The following CCDC30 variants were observed in gnomAD, a reference collection of about 807,000 sequenced individuals.
CCDC30 encodes coiled-coil domain-containing protein 30.
CCDC30 carries 70 observed loss-of-function variants against 100.2 expected under a neutral mutation model. The observed-to-expected ratio is 0.70, with a 90% confidence interval of 0.58 to 0.85. The LOEUF (loss-of-function observed/expected upper bound fraction) is 0.85. Among genes scored for constraint, CCDC30 ranks in the 40% least tolerant of loss-of-function variants. The pLI is 0.00. For synonymous variants in CCDC30, 233 were observed against 269.5 expected, an observed-to-expected ratio of 0.86 and a Z score of 1.33; for missense variants, 652 against 771.2, an observed-to-expected ratio of 0.85 and a Z score of 1.83.
At chr1:42,543,337 C>T (rs1427126737) in intron 6 of CCDC30, among the ~76,000 whole-genome samples, 1 of 145,726 alleles carries the variant, frequency 6.9e-6, no homozygotes, top group Non-Finnish European at 1.5e-5. Flanking sequence ...TCTTTTCTTT[C>T]TTTCTCACTC....
intron 7 of CCDC30, among the ~76,000 whole-genome samples, chr1:42,573,042 C>A (rs931156592): frequency 6.6e-6 from 1 of 152,186 alleles, no homozygotes; most frequent in Non-Finnish European, 1.5e-5. Context: ...TAGAACAAAT[C>A]TTTTCACCTT....
chr1:42,619,396 CT>C (rs1352315210), intron 11 of CCDC30, among the ~76,000 whole-genome samples: 1 of 152,182 alleles, frequency 6.6e-6, no homozygotes, highest in Non-Finnish European at 1.5e-5. Flanking sequence ...TGAAGGTTCA[CT>C]GAAAAATCAA....
intron 11 of CCDC30, among the ~76,000 whole-genome samples, chr1:42,617,298 A>G (rs1646744786): frequency 6.6e-6 from 1 of 152,206 alleles, no homozygotes; most frequent in Non-Finnish European, 1.5e-5. Flanking sequence ...TTTTTAAGGA[A>G]TAAATTAATT....
intron 6 of CCDC30, among the ~76,000 whole-genome samples, chr1:42,542,543 T>TTTTTTTTC (rs1645033542): frequency 1.1e-5 from 1 of 94,548 alleles, no homozygotes; most frequent in Non-Finnish European, 2.4e-5. Flanking sequence ...ATTTTTCTTT[T>TTTTTTTTC]TTTTTTTTTT....
chr1:42,494,360 T>G (rs2148470899), intron 4 of CCDC30, among the ~76,000 whole-genome samples: 1 of 152,236 alleles, frequency 6.6e-6, no homozygotes, highest in Non-Finnish European at 1.5e-5. Context: ...TAATTCAAGA[T>G]GGGTTAAAGA....
intron 1 of CCDC30, among the ~76,000 whole-genome samples, chr1:42,467,464 G>T (rs969353485): frequency 2.0e-5 from 3 of 152,212 alleles, no homozygotes; most frequent in Non-Finnish European, 4.4e-5. Context: ...AGAGTAGAAT[G>T]AATAGGAAGG....
intron 6 of CCDC30, among the ~76,000 whole-genome samples, chr1:42,514,097 A>G (rs1245115001): frequency 6.6e-6 from 1 of 152,188 alleles, no homozygotes; most frequent in Non-Finnish European, 1.5e-5. Flanking sequence ...GGTGAGGACA[A>G]ATATCCAAAC....
chr1:42,581,438 C>T lies in CCDC30; in HGVS notation c.925C>T (p.Leu309=), dbSNP rs139002601. Reference sequence around the variant, plus strand: ...CACTTGTATTTCAGAGAAGCAGCAGCTAGAGGAAAAGATAAAAGAAGCAAC... The same window carrying T: ...CACTTGTATTTCAGAGAAGCAGCAGTTAGAGGAAAAGATAAAAGAAGCAAC... The change falls in exon 9 of 17, where the codon CTA becomes TTA. Residue 309 remains leucine, a synonymous_variant. Coordinates refer to ENST00000668663, the Ensembl canonical transcript of CCDC30. 1.5e-4 allele frequency: 243 copies of T among 1,613,388 alleles called. No individual in the cohort carries two copies. The African/African-American group carries it at 2.9e-3, about 19-fold the overall frequency.
At chr1:42,464,701 T>C (rs536259725) in intron 1 of CCDC30, among the ~76,000 whole-genome samples, 4 of 152,378 alleles carry the variant, frequency 2.6e-5, no homozygotes. Context: ...ACTTAATTTG[T>C]CTTACAATAC....
intron 12 of CCDC30, among the ~76,000 whole-genome samples, chr1:42,638,551 C>T (rs1191986059): frequency 2.3e-5 from 3 of 129,360 alleles, no homozygotes; most frequent in African/African-American, 8.8e-5. Flanking sequence ...TTTAATAGCA[C>T]CCATGGGCAA....
At chr1:42,644,186 C>T (rs1647682653) in intron 13 of CCDC30, among the ~76,000 whole-genome samples, 1 of 152,100 alleles carries the variant, frequency 6.6e-6, no homozygotes, top group South Asian at 2.1e-4. Context: ...CTTACACAAT[C>T]ACAAAGTCCA....
intron 6 of CCDC30, chr1:42,500,445 G>A (rs561718918): frequency 3.7e-5 from 27 of 735,394 alleles, no homozygotes; most frequent in South Asian, 2.8e-4. Flanking sequence ...ACAGAGTCTC[G>A]CTCTGTCGCC....
chr1:42,634,943 G>T (rs1647120057), intron 11 of CCDC30, among the ~76,000 whole-genome samples: 1 of 152,104 alleles, frequency 6.6e-6, no homozygotes. Context: ...AATGGAGTCT[G>T]TTGTGCCTGG....
At chr1:42,545,571 G>A in intron 6 of CCDC30, 2 of 1,601,256 alleles carry the variant, frequency 1.2e-6, no homozygotes, top group South Asian at 1.1e-5. Context: ...AAGAGACAGA[G>A]GAACTCTGGT....
chr1:42,621,790 T>C (rs1646840498), intron 11 of CCDC30, among the ~76,000 whole-genome samples: 1 of 151,826 alleles, frequency 6.6e-6, no homozygotes, highest in African/African-American at 2.4e-5. Flanking sequence ...GGATTACAGG[T>C]GTGAGCCACC....
rs1032007001 is a variant in CCDC30, at chr1:42,480,540, T to C, written c.-12T>C. 20 of 868,302 alleles carry C rather than the reference T, an allele frequency of 2.3e-5. No homozygotes were observed. The African/African-American group carries it at 3.3e-4, about 14-fold the overall frequency. The allele number at this position is 868,302 out of a possible 1,614,324, so 53.8% of individuals were successfully genotyped here. On this transcript the variant is annotated 5_prime_UTR_variant, in exon 2 of 17. Transcript: ENST00000668663. The stretch of plus-strand genomic sequence containing the variant: ...CTGGGCTCAAGTAATCCTCCTGTCT[T>C]GTCCTCCCAAAATGCTGGAATTACA...
In CCDC30 at chr1:42,634,249, C is replaced by CAA. The variant is rs754829759; in HGVS notation, c.1278-2964_1278-2963dup. ...TCAAGGCTGCACAGCAAGACTGTCT[C>CAA]AAAAAAAAAAAAAAAAAAAAAAAAA... On this transcript the variant is annotated intron_variant, in intron 11 of 16. Transcript: ENST00000668663. Among the ~76,000 whole-genome samples, 197 of 115,150 alleles carry CAA rather than the reference C, an allele frequency of 1.7e-3. 1 individual carries two copies. Among genetic ancestry groups the CAA allele is most frequent in the Non-Finnish European group, 2.6e-3 (142 of 55,098 alleles). The allele number at this position is 115,150 out of a possible 152,430, so 75.5% of individuals were successfully genotyped here. A position where few individuals can be genotyped will look rare whatever the true frequency, so the allele number is the denominator to read the frequency against.
At chr1:42,550,561 C>A (rs72659979) in intron 6 of CCDC30, among the ~76,000 whole-genome samples, 19,337 of 152,176 alleles carry the variant, frequency 0.13, 1,429 homozygotes, top group East Asian at 0.17. Context: ...TAAAAGGTTC[C>A]CCTGTTCAGA....
intron 10 of CCDC30, 95 bp downstream of exon 14, chr1:42,589,578 CT>C: frequency 9.4e-7 from 1 of 1,062,912 alleles, no homozygotes; most frequent in African/African-American, 1.6e-5. Context: ...AAACCTAATC[CT>C]TTAGTCAGGG....
Sources: gnomAD v4.1 joint callset for allele counts (sites outside exome capture counted in the v4.1 genomes callset) on GRCh38, gnomAD v4.1.1 for gene constraint, MANE v1.5 for transcripts, NCBI Gene and HGNC (gene_info 2026-07-23, HGNC 2026-07-21) for gene names.